Variants in PRRC1 observed in about 807,000 individuals in gnomAD.
PRRC1 encodes the protein proline rich coiled-coil 1.
Under a neutral mutation model 40.7 loss-of-function variants are expected in PRRC1, and 39 were observed. That is an observed-to-expected ratio of 0.96 (90% CI 0.74 to 1.25). The LOEUF (loss-of-function observed/expected upper bound fraction) is 1.25, where lower values mean the gene tolerates loss of function less well. PRRC1 is among the 50% of genes most tolerant of loss of function. The pLI is 0.00. For synonymous variants in PRRC1, 175 were observed against 193.3 expected, an observed-to-expected ratio of 0.91 and a Z score of 0.79; for missense variants, 573 against 548.3, an observed-to-expected ratio of 1.05 and a Z score of -0.45.
chr5:127,534,013 G>A, intron 6 of PRRC1: 1 of 592,944 alleles, frequency 1.7e-6, no homozygotes, highest in Non-Finnish European at 3.0e-6. Context: ...GAAACATTGA[G>A]AGAGCACAAA....
At chr5:127,544,461 T>G (rs1454001739) in intron 7 of PRRC1, among the ~76,000 whole-genome samples, 1 of 152,250 alleles carries the variant, frequency 6.6e-6, no homozygotes, top group Non-Finnish European at 1.5e-5. Context: ...TGTTTTTGTT[T>G]GTCTGTGCCC....
chr5:127,551,419 A>G, intron 8 of PRRC1: 1 of 336,622 alleles, frequency 3.0e-6, no homozygotes, highest in Non-Finnish European at 5.5e-6. Context: ...TTTTAGTACC[A>G]ATCTTATTAT....
intron 7 of PRRC1, among the ~76,000 whole-genome samples, chr5:127,544,786 C>T (rs570352402): frequency 5.0e-4 from 76 of 152,292 alleles, no homozygotes; most frequent in Middle Eastern, 3.4e-3. Context: ...CGTCTGTCAC[C>T]CCTTTCTTTG....
Position 127,517,668 on chromosome 5 carries a change from A to C in PRRC1, c.-129A>C, listed in dbSNP as rs1767349449. On this transcript the variant is annotated 5_prime_UTR_variant, in exon 1 of 9. Transcript: ENST00000296666. ...TTGTAGGCGGGGACACGCCGAGGTA[A>C]CTTCCAGGGTGCGCCTTCGTTGTCT... The C allele has an allele frequency of 6.6e-6, 1 of 151,722 alleles. No homozygotes were observed. The highest frequency in any genetic ancestry group is 1.9e-4 in the East Asian group (1 of 5,148). The allele number at this position is 151,722 out of a possible 1,614,324, so 9.4% of individuals were successfully genotyped here.
At chr5:127,522,693 A>AT (rs966408417) in intron 1 of PRRC1, among the ~76,000 whole-genome samples, 125 of 149,108 alleles carry the variant, frequency 8.4e-4, no homozygotes, top group Middle Eastern at 3.5e-3. Context: ...GCCTGGCTTT[A>AT]TTTTTTTTTT....
chr5:127,524,218 G>A (rs766088696), intron 2 of PRRC1: 4 of 236,850 alleles, frequency 1.7e-5, no homozygotes, highest in Non-Finnish European at 3.3e-5. Flanking sequence ...TGAGCCTTCA[G>A]GGCATAGGTT....
At chr5:127,529,544 T>A (rs1767709578) in intron 4 of PRRC1, among the ~76,000 whole-genome samples, 2 of 152,248 alleles carry the variant, frequency 1.3e-5, no homozygotes, top group South Asian at 4.1e-4. Context: ...TTTTCCTGAG[T>A]CACCTTAGTT....
chr5:127,547,743 T>C (rs1180342923), intron 7 of PRRC1, 76 bp from the exon 8 acceptor site: 3 of 952,012 alleles, frequency 3.2e-6, no homozygotes, highest in Non-Finnish European at 4.9e-6. Context: ...TAATAGTACT[T>C]GTTTTTTCTT....
At chr5:127,527,354 G>T (rs1283135212) in intron 4 of PRRC1, among the ~76,000 whole-genome samples, 1 of 151,958 alleles carries the variant, frequency 6.6e-6, no homozygotes, top group Non-Finnish European at 1.5e-5. Context: ...TTAAAATTTT[G>T]AAATATAAAA....
Position 127,543,632 on chromosome 5 carries a change from A to G in PRRC1, c.1026-4187A>G, listed in dbSNP as rs1013336315. ...CTTCATTTCATTCATTTCATCTTCC[A>G]TCACTGATACCCTTTCTTCCAGTTG... On this transcript the variant is annotated intron_variant, in intron 7 of 8. Coordinates refer to ENST00000296666, the MANE Select transcript of PRRC1 (RefSeq NM_130809.5). Among the ~76,000 whole-genome samples, 106 of 152,110 alleles carry G rather than the reference A, an allele frequency of 7.0e-4. 1 individual carries two copies. The highest frequency in any genetic ancestry group is 2.5e-3 in the African/African-American group (104 of 41,442).
intron 1 of PRRC1, 95 bp from the exon 2 acceptor site, chr5:127,523,365 C>G: frequency 1.8e-6 from 1 of 563,386 alleles, no homozygotes; most frequent in Non-Finnish European, 3.0e-6. Context: ...ACATCTATCT[C>G]TTGATGATTT....
chr5:127,522,763 A>T (rs1767493096), intron 1 of PRRC1, among the ~76,000 whole-genome samples: 2 of 151,602 alleles, frequency 1.3e-5, no homozygotes, highest in African/African-American at 2.4e-5. Context: ...GGCTTCAAAA[A>T]TACATTAAAT....
At chr5:127,542,692 G>A (rs1768083315) in intron 7 of PRRC1, among the ~76,000 whole-genome samples, 1 of 151,026 alleles carries the variant, frequency 6.6e-6, no homozygotes, top group Non-Finnish European at 1.5e-5. Flanking sequence ...GACTAGGATT[G>A]CAACCCCTGC....
chr5:127,542,810 G>A (rs1265943779), intron 7 of PRRC1, among the ~76,000 whole-genome samples: 4 of 150,712 alleles, frequency 2.7e-5, no homozygotes, highest in South Asian at 2.1e-4. Context: ...CACACTGATG[G>A]GTCTTGACTC....
chr5:127,548,208 T>A, intron 8 of PRRC1: 2 of 530,722 alleles, frequency 3.8e-6, no homozygotes, highest in Non-Finnish European at 6.6e-6. Flanking sequence ...TGGAAAAGAT[T>A]TACCTTTTCT....
At chr5:127,539,818 G>A (rs1466914065) in intron 7 of PRRC1, among the ~76,000 whole-genome samples, 1 of 152,146 alleles carries the variant, frequency 6.6e-6, no homozygotes, top group African/African-American at 2.4e-5. Context: ...GCATATTATA[G>A]GCCAGTGGGA....
Position 127,553,602 on chromosome 5 carries a change from C to G in PRRC1, c.*1686C>G. On this transcript the variant is annotated 3_prime_UTR_variant, in exon 9 of 9. Transcript: ENST00000296666. ...GCAATGGCATGATGACAACAACAGTCTTTCATTACAGACTGAAGGGAAGCA... is the reference window on the plus strand; with the variant it reads ...GCAATGGCATGATGACAACAACAGTGTTTCATTACAGACTGAAGGGAAGCA... 7.4e-7 allele frequency: 1 copy of G among 1,347,602 alleles called. No individual in the cohort carries two copies. The highest frequency in any genetic ancestry group is 9.5e-7 in the Non-Finnish European group (1 of 1,048,422). The allele number at this position is 1,347,602 out of a possible 1,614,324, so 83.5% of individuals were successfully genotyped here.
chr5:127,550,005 C>T (rs956011934), intron 8 of PRRC1: 1 of 151,046 alleles, frequency 6.6e-6, no homozygotes, highest in Non-Finnish European at 1.5e-5. Flanking sequence ...CAAAAGATAG[C>T]TATTACATAT....
chr5:127,522,496 TC>T (rs1269099552), intron 1 of PRRC1, among the ~76,000 whole-genome samples: 1 of 152,122 alleles, frequency 6.6e-6, no homozygotes, highest in East Asian at 1.9e-4. Flanking sequence ...GATCAGGTGA[TC>T]CTCTCACCTC....
Sources: gnomAD v4.1 joint callset for allele counts (sites outside exome capture counted in the v4.1 genomes callset) on GRCh38, gnomAD v4.1.1 for gene constraint, MANE v1.5 for transcripts, NCBI Gene and HGNC (gene_info 2026-07-23, HGNC 2026-07-21) for gene names.